TBC1D8B: variants seen among roughly 807,000 people sequenced by gnomAD.
The protein encoded by TBC1D8B is RP11-321G1.1.
In TBC1D8B, 75 loss-of-function variants were observed where a neutral mutation model predicts 82.9. The observed-to-expected ratio is 0.90, with a 90% CI of 0.75 to 1.10. TBC1D8B has a LOEUF of 1.10. Among genes scored for constraint, TBC1D8B ranks in the 50% least tolerant of loss-of-function variants. The pLI is 0.00. For synonymous variants in TBC1D8B, 276 were observed against 276.8 expected (o/e 1.00, Z 0.03); for missense variants, 794 against 796.9 (o/e 1.00, Z 0.04).
intron 6 of TBC1D8B, among the ~76,000 whole-genome samples, chrX:106,826,864 A>G (rs185515282): frequency 5.7e-4 from 64 of 111,581 alleles, no homozygotes; most frequent in Non-Finnish European, 1.1e-3. Context: ...GTACTCTGTC[A>G]GAAAAAAATA....
At chrX:106,811,098 C>G (rs952708496) in intron 1 of TBC1D8B, among the ~76,000 whole-genome samples, 4 of 112,158 alleles carry the variant, frequency 3.6e-5, no homozygotes, top group African/African-American at 1.3e-4. Context: ...CTTTCTTATG[C>G]AAAGAGATCT....
chrX:106,820,516 A>G (rs1423460635), intron 2 of TBC1D8B, among the ~76,000 whole-genome samples: 1 of 111,739 alleles, frequency 8.9e-6, no homozygotes, highest in Non-Finnish European at 1.9e-5. Context: ...TTTGGAGACC[A>G]AGGATTGAAT....
chrX:106,861,737 C>T (rs1187511642), intron 14 of TBC1D8B, among the ~76,000 whole-genome samples: 3 of 111,681 alleles, frequency 2.7e-5, no homozygotes, highest in Non-Finnish European at 5.6e-5. Context: ...AGCCTGTTTA[C>T]ATTCAAGGTT....
chrX:106,854,273 G>C lies in TBC1D8B; in HGVS notation c.2329G>C (p.Glu777Gln). The C allele has an allele frequency of 8.4e-7, 1 of 1,183,709 alleles. No homozygotes were observed. Among genetic ancestry groups the C allele is most frequent in the Non-Finnish European group, 1.1e-6 (1 of 883,209 alleles). ...RNRLYVIQTL[E>Q]ETTKQNVLRV... ...TAGGTTGTATGTGATACAGACCCTAGAGGAAACAACAAAACAGAATGTGGT... is the reference window on the plus strand; with the variant it reads ...TAGGTTGTATGTGATACAGACCCTACAGGAAACAACAAAACAGAATGTGGT... Residue 777 changes from glutamate to glutamine, a missense_variant, in exon 14 of 21, where the codon GAG becomes CAG. Transcript: ENST00000357242.
intron 13 of TBC1D8B, 148 bp downstream of exon 13, chrX:106,853,798 T>A: frequency 1.7e-6 from 1 of 573,121 alleles, no homozygotes; most frequent in Non-Finnish European, 2.7e-6. Flanking sequence ...ATGAGTTCTG[T>A]GAACTGTTCT....
intron 6 of TBC1D8B, among the ~76,000 whole-genome samples, chrX:106,826,725 T>C (rs1225267689): frequency 9.1e-6 from 1 of 109,870 alleles, no homozygotes; most frequent in Non-Finnish European, 1.9e-5. Context: ...CATTTTTGAA[T>C]GATCAAGCTC....
intron 17 of TBC1D8B, 23 bp downstream of exon 17, chrX:106,866,885 C>T (rs774035452): frequency 6.5e-6 from 7 of 1,071,963 alleles, no homozygotes; most frequent in Middle Eastern, 5.1e-4. Flanking sequence ...CAGTCTTTAA[C>T]GATGTACAGC....
chrX:106,818,474 A>G (rs1931602129), intron 1 of TBC1D8B, 189 bp from the exon 2 acceptor site: 1 of 328,338 alleles, frequency 3.0e-6, no homozygotes, highest in African/African-American at 2.7e-5. Context: ...TTTCTCAGAT[A>G]CTACTCACAT....
At chrX:106,813,296 C>T (rs954475891) in intron 1 of TBC1D8B, among the ~76,000 whole-genome samples, 6 of 111,998 alleles carry the variant, frequency 5.4e-5, no homozygotes, top group African/African-American at 1.6e-4. Context: ...TTCTGAATGA[C>T]TTGCAGGGAC....
At chrX:106,810,741 G>A (rs902252904) in intron 1 of TBC1D8B, among the ~76,000 whole-genome samples, 2 of 111,954 alleles carry the variant, frequency 1.8e-5, no homozygotes, top group Admixed American at 9.5e-5. Flanking sequence ...ATCACGTAGA[G>A]CAACCCCTAG....
At chrX:106,822,696 T>A (rs1215356403) in intron 4 of TBC1D8B, among the ~76,000 whole-genome samples, 2 of 110,872 alleles carry the variant, frequency 1.8e-5, no homozygotes, top group African/African-American at 6.6e-5. Flanking sequence ...ATCATTTTTT[T>A]TAAAAATTAT....
intron 7 of TBC1D8B, among the ~76,000 whole-genome samples, chrX:106,838,974 C>T (rs1352854009): frequency 2.7e-5 from 3 of 111,818 alleles, no homozygotes; most frequent in Middle Eastern, 9.3e-3. Flanking sequence ...TCTGGTCTTA[C>T]TCAGGCAGGC....
At chrX:106,807,725 G>C (rs1931235965) in intron 1 of TBC1D8B, among the ~76,000 whole-genome samples, 1 of 110,672 alleles carries the variant, frequency 9.0e-6, no homozygotes, top group Non-Finnish European at 1.9e-5. Flanking sequence ...GCCCTCCCTA[G>C]GTATTGCCCT....
chrX:106,875,211 A>G lies in TBC1D8B; in HGVS notation c.*1246A>G, dbSNP rs372855515. 3.6e-5 allele frequency: 4 copies of G among 111,552 alleles called. No individual in the cohort carries two copies. Among genetic ancestry groups the G allele is most frequent in the African/African-American group, 6.5e-5 (2 of 30,645 alleles). 9.2% of individuals were successfully genotyped at this position (111,552 alleles called of 1,213,427 possible). ...TAGAAAATAGGGGGAGAAATCATTC[A>G]TTGGAGCTTCTTTCTTTAGAAAAGA... On this transcript the variant is annotated 3_prime_UTR_variant, in exon 21 of 21. Transcript: ENST00000357242.
intron 11 of TBC1D8B, chrX:106,849,606 G>T (rs1932544860): frequency 1.1e-6 from 1 of 872,171 alleles, no homozygotes; most frequent in African/African-American, 2.1e-5. Context: ...CATTTCTGAA[G>T]TGTTAAATTC....
At chrX:106,828,923 G>A (rs971984954) in intron 7 of TBC1D8B, 1 of 107,288 alleles carries the variant, frequency 9.3e-6, no homozygotes, top group Non-Finnish European at 1.9e-5. Context: ...ATTCAACATA[G>A]TGTTGGAAGT....
chrX:106,869,466 A>G lies in TBC1D8B; in HGVS notation c.2813-19A>G, dbSNP rs186111079. 4.2e-6 allele frequency: 5 copies of G among 1,199,601 alleles called. No homozygotes were observed. On this transcript the variant is annotated intron_variant, in intron 18 of 20. Transcript: ENST00000357242. ...TTTGTTAAACATCTTACAGAATGCA[A>G]TTACATCTTTTCTTATAGTTTCCAA...
chrX:106,850,794 A>G (rs769280058), intron 12 of TBC1D8B, among the ~76,000 whole-genome samples: 32 of 111,883 alleles, frequency 2.9e-4, no homozygotes, highest in African/African-American at 1.0e-3. Flanking sequence ...ACATTTGTAT[A>G]TGCTAAATGA....
At chrX:106,855,975 T>C (rs758050925) in intron 14 of TBC1D8B, among the ~76,000 whole-genome samples, 5 of 111,915 alleles carry the variant, frequency 4.5e-5, no homozygotes, top group African/African-American at 1.6e-4. Context: ...AGTTCCAGGC[T>C]ACAGTAAGCT....
Sources: allele counts gnomAD v4.1 joint callset (sites outside exome capture counted in the v4.1 genomes callset), GRCh38; gene constraint gnomAD v4.1.1; transcripts MANE v1.5; gene names NCBI Gene and HGNC (gene_info 2026-07-23, HGNC 2026-07-21).